Variants in CEP152 observed in about 807,000 individuals in gnomAD.
CEP152 encodes the protein centrosomal protein 152, also known as centrosomal protein of 152 kDa.
Under a neutral mutation model 188.9 loss-of-function variants are expected in CEP152, and 132 were observed. That is an observed-to-expected ratio of 0.70 (90% CI 0.61 to 0.81). The LOEUF (loss-of-function observed/expected upper bound fraction) is 0.81. CEP152 is among the 30% of genes least tolerant of loss of function. The pLI is 0.00. For synonymous variants in CEP152, 649 were observed against 666.6 expected, an observed-to-expected ratio of 0.97 and a Z score of 0.41; for missense variants, 1,914 against 1,969.8, an observed-to-expected ratio of 0.97 and a Z score of 0.54.
At chr15:48,744,473 T>A in intron 23 of CEP152, 130 bp from the exon 24 acceptor site, 2 of 1,460,890 alleles carry the variant, frequency 1.4e-6, no homozygotes, top group Non-Finnish European at 1.9e-6. Context: ...TAGAACAATC[T>A]CCACTATACA....
chr15:48,768,618 T>C (rs1895298166), intron 14 of CEP152, among the ~76,000 whole-genome samples: 1 of 152,226 alleles, frequency 6.6e-6, no homozygotes, highest in Admixed American at 6.5e-5. Context: ...GGCTAGCTGA[T>C]GCCTTAAAAT....
Position 48,796,010 on chromosome 15 carries a change from T to C in CEP152, c.691A>G (p.Asn231Asp). Residue 231 changes from asparagine to aspartate, a missense_variant and splice_region_variant, in exon 6 of 27, where the codon AAC becomes GAC. Transcript: ENST00000380950. The part of the protein sequence containing the change: ...LQQQFLGANE[N>D]SAENMQIIQL... ...AAATAAATATAAACTTGATACCTAC[T>C]CTCATTAGCTCCTAAAAATTGTTGT... 6.2e-7 allele frequency: 1 copy of C among 1,613,642 alleles called. No homozygotes were observed. The highest frequency in any genetic ancestry group is 2.2e-5 in the East Asian group (1 of 44,866).
At chr15:48,784,867 T>C (rs1181887559) in intron 9 of CEP152, among the ~76,000 whole-genome samples, 1 of 152,162 alleles carries the variant, frequency 6.6e-6, no homozygotes, top group East Asian at 1.9e-4. Context: ...CTCAAGTTTC[T>C]TCCAAAAGAA....
In CEP152 at chr15:48,757,870, G is replaced by A. The variant is rs3848126; in HGVS notation, c.2695-1317C>T. On this transcript the variant is annotated intron_variant, in intron 19 of 26. Transcript: ENST00000380950. ...AGAGAAAACAGGTCATGTTGCAATG[G>A]ATGCCTGGAAGTCATTCCCAGGTGA... Among the ~76,000 whole-genome samples, 419 of 152,344 alleles carry A rather than the reference G, an allele frequency of 2.8e-3. 3 individuals carry two copies. Among genetic ancestry groups the A allele is most frequent in the African/African-American group, 9.5e-3 (394 of 41,582 alleles).
Position 48,805,449 on chromosome 15 carries a change from A to T in CEP152, c.87+114T>A, listed in dbSNP as rs199953488. On this transcript the variant is annotated intron_variant, in intron 2 of 26. Coordinates refer to ENST00000380950, the MANE Select transcript of CEP152 (RefSeq NM_001194998.2). ...CAGATTTTAGGGTTGTTTTTTTTTT[A>T]AAAAATCCAAATCCCTTCAAAATGA... 1.3e-3 allele frequency: 1,665 copies of T among 1,305,412 alleles called. 6 individuals carry two copies. In the East Asian group the frequency reaches 0.014, roughly 11 times the overall value. 80.9% of individuals were successfully genotyped at this position (1,305,412 alleles called of 1,614,324 possible). A position where few individuals can be genotyped will look rare whatever the true frequency, so the allele number is the denominator to read the frequency against.
At position 48,787,998 on chromosome 15, in the gene CEP152, C is replaced by T. The variant is rs1200410856; in HGVS notation, c.1173+803G>A. Among the ~76,000 whole-genome samples, 8 of 152,212 alleles carry T rather than the reference C, an allele frequency of 5.3e-5. No individual in the cohort carries two copies. The East Asian group carries it at 1.5e-3, about 29-fold the overall frequency. ...GTCTTATTTTATAAATTATACTGTC[C>T]TCAAAATTTACTCTCTTCCCAAGAA... On this transcript the variant is annotated intron_variant, in intron 9 of 26. Transcript: ENST00000380950.
intron 10 of CEP152, chr15:48,783,754 T>TA (rs1896427317): frequency 5.9e-6 from 1 of 170,524 alleles, no homozygotes; most frequent in Non-Finnish European, 1.1e-5. Context: ...CCTTTATATA[T>TA]TTTTTTATAT....
rs1477462265 is a variant in CEP152, at chr15:48,738,976, C to G, written c.4406G>C (p.Gly1469Ala). 1 of 1,613,954 alleles carries G rather than the reference C, an allele frequency of 6.2e-7. No homozygotes were observed. Among genetic ancestry groups the G allele is most frequent in the East Asian group, 2.2e-5 (1 of 44,894 alleles). Residue 1469 changes from glycine to alanine, a missense_variant, in exon 27 of 27, where the codon GGT (glycine) becomes GCT (alanine). Coordinates refer to ENST00000380950, the MANE Select transcript of CEP152 (RefSeq NM_001194998.2). ...CTTGTGCAAACCAAAGCCTCCTTCA[C>G]CTTCACAAGGAACAAACTCAGGAGA... ...NVSPEFVPCE[G>A]EGGFGLHKKK...
intron 13 of CEP152, 146 bp downstream of exon 13, chr15:48,772,341 G>A (rs1161030716): frequency 1.0e-5 from 7 of 696,878 alleles, no homozygotes; most frequent in Admixed American, 2.4e-5. Flanking sequence ...AGCCTGGGAG[G>A]TTGAGGCTAC....
At chr15:48,782,111 A>C in intron 11 of CEP152, 28 bp downstream of exon 11, 69 of 1,585,180 alleles carry the variant, frequency 4.4e-5, no homozygotes, top group Middle Eastern at 1.7e-4. Context: ...AGATACCCAT[A>C]GAGCCTCTTC....
chr15:48,738,577 G>C lies in CEP152; in HGVS notation c.4805C>G (p.Pro1602Arg). 6.2e-7 allele frequency: 1 copy of C among 1,614,114 alleles called. No homozygotes were observed. The change falls in exon 27 of 27, where the codon CCA becomes CGA. Residue 1602 changes from proline to arginine, a missense_variant. Coordinates refer to ENST00000380950, the MANE Select transcript of CEP152 (RefSeq NM_001194998.2). ...HGRPQGTLEI[P>R]SESVKSKQFS... ...CTGTTTGGATTTAACAGATTCACTT[G>C]GTATTTCCAAAGTTCCTTGTGGCCT...
chr15:48,802,559 T>C (rs545478867), intron 2 of CEP152, among the ~76,000 whole-genome samples: 69 of 152,314 alleles, frequency 4.5e-4, no homozygotes, highest in African/African-American at 1.6e-3. Flanking sequence ...GGCCAACTTT[T>C]ACTAATGTAC....
intron 21 of CEP152, 44 bp downstream of exon 21, chr15:48,752,305 G>A: frequency 1.2e-6 from 2 of 1,613,910 alleles, no homozygotes; most frequent in Non-Finnish European, 1.7e-6. Flanking sequence ...TCAGATGGGT[G>A]ATTATGGATG....
In CEP152 at chr15:48,781,190, C is replaced by T. The variant is rs78525896; in HGVS notation, c.1577+6G>A. ...TCTACAGTAAACTAAAATATTCTTT[C>T]CATACCTGGTAACTTTGGATTTTTT... On this transcript the variant is annotated splice_donor_region_variant and intron_variant, in intron 12 of 26. Coordinates refer to ENST00000380950, the MANE Select transcript of CEP152 (RefSeq NM_001194998.2). The T allele has an allele frequency of 1.8e-3, 2,841 of 1,612,486 alleles. 44 individuals are homozygous for T. In the African/African-American group the frequency reaches 0.033, roughly 19 times the overall value.
downstream of CEP152, among the ~76,000 whole-genome samples, chr15:48,735,477 G>A (rs1232070259): frequency 2.0e-5 from 3 of 152,206 alleles, no homozygotes; most frequent in African/African-American, 7.2e-5. Flanking sequence ...GCTCATGCCT[G>A]TAATCCCAGC....
In CEP152 at chr15:48,737,983, T is replaced by A; in HGVS notation, c.*266A>T. ...ATTTAAATAAGTTAACACTGCAGAG[T>A]GAGTCAATTTATAAGTATAAAAATA... is the stretch of plus-strand genomic sequence containing the variant. On this transcript the variant is annotated 3_prime_UTR_variant, in exon 27 of 27. Coordinates refer to ENST00000380950, the MANE Select transcript of CEP152 (RefSeq NM_001194998.2). 2.7e-6 allele frequency: 1 copy of A among 373,484 alleles called. No homozygotes were observed. Among genetic ancestry groups the A allele is most frequent in the Non-Finnish European group, 4.8e-6 (1 of 207,560 alleles). The allele number at this position is 373,484 out of a possible 1,614,324, so 23.1% of individuals were successfully genotyped here. A position where few individuals can be genotyped will look rare whatever the true frequency, so the allele number is the denominator to read the frequency against.
intron 2 of CEP152, among the ~76,000 whole-genome samples, chr15:48,804,665 AAAT>A (rs1897870403): frequency 6.6e-6 from 1 of 152,230 alleles, no homozygotes; most frequent in African/African-American, 2.4e-5. Flanking sequence ...CTTTACATAT[AAAT>A]AATATGGTCT....
intron 1 of CEP152, 126 bp from the exon 2 acceptor site, chr15:48,805,782 A>T: frequency 7.9e-7 from 1 of 1,273,842 alleles, no homozygotes; most frequent in Non-Finnish European, 1.1e-6. Context: ...AAATATGTAT[A>T]ACTCAGTTAT....
In CEP152 at chr15:48,759,646, T is replaced by C. The variant is rs74814689; in HGVS notation, c.2694+489A>G. 9.9e-3 allele frequency among the ~76,000 whole-genome samples: 1,503 copies of C among 152,342 alleles called. 33 individuals are homozygous for C. The highest frequency in any genetic ancestry group is 0.035 in the African/African-American group (1,440 of 41,596). On this transcript the variant is annotated intron_variant, in intron 19 of 26. Transcript: ENST00000380950. ...TTGTCAACTTCAAATACATTCAGTT[T>C]GTTGGCATTTTGATTAGAATTGGTT...
Sources: gnomAD v4.1 joint callset for allele counts (sites outside exome capture counted in the v4.1 genomes callset) on GRCh38, gnomAD v4.1.1 for gene constraint, MANE v1.5 for transcripts, NCBI Gene and HGNC (gene_info 2026-07-23, HGNC 2026-07-21) for gene names.